IL17RD: variants seen among roughly 807,000 people sequenced by gnomAD.
IL17RD encodes the protein interleukin-17 receptor D.
Under a neutral mutation model 80.5 loss-of-function variants are expected in IL17RD, and 52 were observed. The observed-to-expected ratio is 0.65, with a 90% confidence interval of 0.52 to 0.81. The LOEUF (loss-of-function observed/expected upper bound fraction) is 0.81. Among genes scored for constraint, IL17RD ranks in the 40% least tolerant of loss-of-function variants. The pLI, the probability that IL17RD is intolerant of heterozygous loss-of-function variation, is 0.00. For synonymous variants in IL17RD, 416 were observed against 391.8 expected (o/e 1.06, Z -0.73); for missense variants, 1,024 against 955.1 (o/e 1.07, Z -0.95).
intron 1 of IL17RD, among the ~76,000 whole-genome samples, chr3:57,121,337 A>G (rs1707333519): frequency 6.6e-6 from 1 of 152,176 alleles, no homozygotes; most frequent in Non-Finnish European, 1.5e-5. Context: ...TTCAGCCACA[A>G]CCACATGACA....
In IL17RD at chr3:57,096,512, A is replaced by T. The variant is rs1706677713; in HGVS notation, c.2108-7T>A. 1 of 1,567,106 alleles carries T rather than the reference A, an allele frequency of 6.4e-7. No individual in the cohort carries two copies. Among genetic ancestry groups the T allele is most frequent in the Non-Finnish European group, 8.8e-7 (1 of 1,137,306 alleles). On this transcript the variant is annotated splice_region_variant and splice_polypyrimidine_tract_variant and intron_variant, in intron 12 of 12. Coordinates refer to ENST00000296318, the MANE Select transcript of IL17RD (RefSeq NM_017563.5). Reference sequence around the variant, plus strand: ...GCAGGAGGTTCCTCCTCACCTAAGGAGAGAAGAGAGTACAGAGTCACACTG... The same window carrying T: ...GCAGGAGGTTCCTCCTCACCTAAGGTGAGAAGAGAGTACAGAGTCACACTG...
intron 1 of IL17RD, among the ~76,000 whole-genome samples, chr3:57,160,947 T>C (rs1477935371): frequency 6.6e-6 from 1 of 152,166 alleles, no homozygotes; most frequent in Admixed American, 6.5e-5. Flanking sequence ...AGTTAACTGC[T>C]GGTCTCCTGG....
chr3:57,162,845 G>C (rs1467033965), intron 1 of IL17RD, among the ~76,000 whole-genome samples: 1 of 152,182 alleles, frequency 6.6e-6, no homozygotes, highest in African/African-American at 2.4e-5. Context: ...TACTGACAAA[G>C]CTGTCTGATG....
Position 57,129,566 on chromosome 3 carries a change from C to T in IL17RD, c.127-9253G>A, listed in dbSNP as rs112505874. On this transcript the variant is annotated intron_variant, in intron 1 of 12. Transcript: ENST00000296318. ...GAATTCTGCTTTTACAGCACAAATG[C>T]CTATAGAAATGGGGGATTGTGACGT... Among the ~76,000 whole-genome samples the T allele has an allele frequency of 5.6e-3, 860 of 152,272 alleles. 9 individuals carry two copies. The highest frequency in any genetic ancestry group is 0.019 in the African/African-American group (796 of 41,554).
At chr3:57,127,412 A>T (rs11916034) in intron 1 of IL17RD, among the ~76,000 whole-genome samples, 52,088 of 91,368 alleles carry the variant, frequency 0.57, 16,008 homozygotes, top group South Asian at 0.72. Context: ...ATATATATAT[A>T]TTTTTTTTTT....
chr3:57,127,197 T>TATAA (rs1286835315), intron 1 of IL17RD, among the ~76,000 whole-genome samples: 2 of 99,140 alleles, frequency 2.0e-5, no homozygotes, highest in Admixed American at 2.5e-4. Context: ...TATATATATA[T>TATAA]AAATATATAT....
chr3:57,135,909 A>G (rs1352750026), intron 1 of IL17RD, among the ~76,000 whole-genome samples: 1 of 152,234 alleles, frequency 6.6e-6, no homozygotes, highest in African/African-American at 2.4e-5. Context: ...CTACTTGCAC[A>G]GTATACACAC....
At chr3:57,114,630 A>AC in intron 3 of IL17RD, 62 bp downstream of exon 3, 1 of 1,485,898 alleles carries the variant, frequency 6.7e-7, no homozygotes, top group Non-Finnish European at 9.0e-7. Flanking sequence ...ATCATGTGGG[A>AC]CCTTTGCACT....
intron 1 of IL17RD, among the ~76,000 whole-genome samples, chr3:57,126,843 G>C (rs1707469428): frequency 6.7e-6 from 1 of 150,048 alleles, no homozygotes; most frequent in Non-Finnish European, 1.5e-5. Flanking sequence ...TTTTTTTTTT[G>C]AGGCGGAGTC....
intron 12 of IL17RD, among the ~76,000 whole-genome samples, chr3:57,096,717 T>C: frequency 6.6e-6 from 1 of 152,108 alleles, no homozygotes; most frequent in East Asian, 1.9e-4. Context: ...TTCTTAAAAG[T>C]CAAGCGTTTA....
chr3:57,090,634 A>T lies in IL17RD; in HGVS notation c.*5759T>A, dbSNP rs1706534207. 6.6e-6 allele frequency: 1 copy of T among 152,152 alleles called. No homozygotes were observed. Among genetic ancestry groups the T allele is most frequent in the Non-Finnish European group, 1.5e-5 (1 of 68,046 alleles). The allele number at this position is 152,152 out of a possible 1,614,324, so 9.4% of individuals were successfully genotyped here. ...TGGTCAGGCTGGTCTTGAACTCTGG[A>T]CCTCAGGTGATCCGCCCACCTTGGC... is the stretch of plus-strand genomic sequence containing the variant. On this transcript the variant is annotated 3_prime_UTR_variant, in exon 13 of 13. Transcript: ENST00000296318.
chr3:57,124,378 A>T (rs1216431459), intron 1 of IL17RD, among the ~76,000 whole-genome samples: 1 of 152,164 alleles, frequency 6.6e-6, no homozygotes, highest in Non-Finnish European at 1.5e-5. Context: ...AGATGGGGAG[A>T]GTATTCTGGG....
At chr3:57,164,277 T>G (rs1271178107) in intron 1 of IL17RD, among the ~76,000 whole-genome samples, 1 of 151,902 alleles carries the variant, frequency 6.6e-6, no homozygotes, top group Admixed American at 6.5e-5. Flanking sequence ...CAGACGGACA[T>G]CATCTCCAGG....
At chr3:57,147,209 A>G (rs1262154760) in intron 1 of IL17RD, among the ~76,000 whole-genome samples, 2 of 152,138 alleles carry the variant, frequency 1.3e-5, no homozygotes, top group African/African-American at 4.8e-5. Flanking sequence ...GCCAGTCACT[A>G]AGCAGTTACC....
At chr3:57,142,564 A>AT (rs1707850540) in intron 1 of IL17RD, 7 of 1,235,728 alleles carry the variant, frequency 5.7e-6, no homozygotes, top group Non-Finnish European at 7.4e-6. Flanking sequence ...TGGCAGGGAG[A>AT]TAGGGCCTGG....
chr3:57,125,283 T>C (rs145552147), intron 1 of IL17RD, among the ~76,000 whole-genome samples: 2,444 of 152,230 alleles, frequency 0.016, 63 homozygotes, highest in African/African-American at 0.056. Context: ...GGTGGGTGCC[T>C]GTAATCCCAG....
At chr3:57,107,456 A>G (rs1317109523) in intron 5 of IL17RD, among the ~76,000 whole-genome samples, 2 of 152,190 alleles carry the variant, frequency 1.3e-5, no homozygotes, top group Non-Finnish European at 2.9e-5. Flanking sequence ...AGAATTCTGC[A>G]GAGGGAAACA....
At chr3:57,140,917 A>G (rs946047848) in intron 1 of IL17RD, among the ~76,000 whole-genome samples, 1 of 151,618 alleles carries the variant, frequency 6.6e-6, no homozygotes, top group Non-Finnish European at 1.5e-5. Context: ...AATTGGAGAC[A>G]AGGTCTCACT....
In IL17RD at chr3:57,146,033, G is replaced by GTGCA. The variant is rs1707920325; in HGVS notation, c.126+19127_126+19128insTGCA. ...AGCGTGCGCGCACACACACACTCACGCGCGCGCGCGCGCACACACACACAC... is the reference window on the plus strand; with the variant it reads ...AGCGTGCGCGCACACACACACTCACGTGCACGCGCGCGCGCGCACACACACACAC... On this transcript the variant is annotated intron_variant, in intron 1 of 12. Coordinates refer to ENST00000296318, the MANE Select transcript of IL17RD (RefSeq NM_017563.5). Among the ~76,000 whole-genome samples, 11 of 144,652 alleles carry GTGCA rather than the reference G, an allele frequency of 7.6e-5. No homozygotes were observed. The Admixed American group carries it at 7.9e-4, about 10-fold the overall frequency. 94.9% of individuals were successfully genotyped at this position (144,652 alleles called of 152,430 possible).
Sources: gnomAD v4.1 joint callset for allele counts (sites outside exome capture counted in the v4.1 genomes callset) on GRCh38, gnomAD v4.1.1 for gene constraint, MANE v1.5 for transcripts, NCBI Gene and HGNC (gene_info 2026-07-23, HGNC 2026-07-21) for gene names.